Variants in MDGA2 observed in about 807,000 individuals in gnomAD.
The protein encoded by MDGA2 is MAM domain-containing glycosylphosphatidylinositol anchor protein 2.
In MDGA2, 40 loss-of-function variants were observed where a neutral mutation model predicts 117.8. The ratio of observed to expected loss-of-function variants is 0.34; its 90% CI spans 0.26 to 0.44. MDGA2 has a LOEUF of 0.44. MDGA2 is among the 20% of genes least tolerant of loss of function. The pLI, the probability that MDGA2 is intolerant of heterozygous loss-of-function variation, is 1.00. For missense variants in MDGA2, 1,123 were observed against 1,250.6 expected, an observed-to-expected ratio of 0.90 and a Z score of 1.54; for synonymous variants, 452 against 439.0, an observed-to-expected ratio of 1.03 and a Z score of -0.37.
At chr14:47,495,611 T>C (rs1199654750) in intron 1 of MDGA2, among the ~76,000 whole-genome samples, 1 of 152,198 alleles carries the variant, frequency 6.6e-6, no homozygotes, top group Non-Finnish European at 1.5e-5. Flanking sequence ...TATTTACTCC[T>C]CGTAGCCTCA....
intron 3 of MDGA2, among the ~76,000 whole-genome samples, chr14:47,172,103 C>T (rs958621943): frequency 3.9e-5 from 6 of 152,152 alleles, no homozygotes; most frequent in African/African-American, 1.2e-4. Flanking sequence ...GAGGGGCACC[C>T]ACCATAGCCC....
At chr14:47,449,444 G>C (rs1893194253) in intron 1 of MDGA2, among the ~76,000 whole-genome samples, 2 of 151,958 alleles carry the variant, frequency 1.3e-5, no homozygotes, top group African/African-American at 4.8e-5. Context: ...TCATAAGTAG[G>C]GACTGATGAG....
chr14:47,082,254 GA>G (rs1890733996), intron 6 of MDGA2, among the ~76,000 whole-genome samples: 1 of 150,578 alleles, frequency 6.6e-6, no homozygotes, highest in Non-Finnish European at 1.5e-5. Flanking sequence ...AAACCAATGA[GA>G]TTTTTTTAAG....
At chr14:47,107,327 A>G (rs1469758320) in intron 5 of MDGA2, among the ~76,000 whole-genome samples, 1 of 152,070 alleles carries the variant, frequency 6.6e-6, no homozygotes. Context: ...CAGGATCTGC[A>G]CCTTATCAAC....
At chr14:47,130,750 G>A (rs1022536718) in intron 5 of MDGA2, among the ~76,000 whole-genome samples, 1 of 152,044 alleles carries the variant, frequency 6.6e-6, no homozygotes, top group Non-Finnish European at 1.5e-5. Flanking sequence ...AGAGTAAGAT[G>A]ACTTGCTCAA....
chr14:47,465,236 A>G (rs1182752812), intron 1 of MDGA2, among the ~76,000 whole-genome samples: 1 of 152,216 alleles, frequency 6.6e-6, no homozygotes, highest in African/African-American at 2.4e-5. Flanking sequence ...ACCCTGGCAG[A>G]TAACCTAGGC....
intron 3 of MDGA2, among the ~76,000 whole-genome samples, chr14:47,172,975 C>T (rs1224236683): frequency 6.6e-6 from 1 of 152,108 alleles, no homozygotes; most frequent in Non-Finnish European, 1.5e-5. Context: ...GAGCTGAAAG[C>T]CAAGGCTCGA....
chr14:47,233,618 T>C (rs1005163354), intron 2 of MDGA2, among the ~76,000 whole-genome samples: 19 of 152,070 alleles, frequency 1.2e-4, no homozygotes, highest in Admixed American at 9.8e-4. Flanking sequence ...AGAATAAAAA[T>C]GAGGAATTAC....
chr14:47,493,493 T>G (rs1894216080), intron 1 of MDGA2, among the ~76,000 whole-genome samples: 1 of 151,746 alleles, frequency 6.6e-6, no homozygotes, highest in Non-Finnish European at 1.5e-5. Flanking sequence ...AGTTTTGTAT[T>G]TTTAGTAGAG....
intron 8 of MDGA2, among the ~76,000 whole-genome samples, chr14:46,975,195 A>C (rs1385650239): frequency 6.6e-6 from 1 of 152,138 alleles, no homozygotes; most frequent in Non-Finnish European, 1.5e-5. Context: ...AAAGAAAATA[A>C]CAAATGTTGG....
At chr14:47,188,158 A>T (rs988890344) in intron 3 of MDGA2, among the ~76,000 whole-genome samples, 1 of 152,138 alleles carries the variant, frequency 6.6e-6, no homozygotes, top group African/African-American at 2.4e-5. Context: ...ACAAAAACCC[A>T]ATGATTGCCT....
chr14:47,535,064 T>G (rs1164602019), intron 1 of MDGA2, among the ~76,000 whole-genome samples: 3 of 152,232 alleles, frequency 2.0e-5, no homozygotes. Context: ...TGTTTTTTAC[T>G]TCTGTTTCTT....
At chr14:47,332,878 A>C (rs1311548209) in intron 1 of MDGA2, among the ~76,000 whole-genome samples, 1 of 151,952 alleles carries the variant, frequency 6.6e-6, no homozygotes, top group Non-Finnish European at 1.5e-5. Flanking sequence ...CACATTATTT[A>C]GCTTCCACTA....
intron 1 of MDGA2, among the ~76,000 whole-genome samples, chr14:47,478,395 G>A (rs1200262368): frequency 1.3e-5 from 2 of 151,886 alleles, no homozygotes; most frequent in African/African-American, 4.8e-5. Flanking sequence ...TTATTATTTA[G>A]AGACAGGATC....
At chr14:46,952,579 TA>T (rs1185636725) in intron 9 of MDGA2, among the ~76,000 whole-genome samples, 2 of 152,006 alleles carry the variant, frequency 1.3e-5, no homozygotes, top group Non-Finnish European at 2.9e-5. Flanking sequence ...CAGTAATCAT[TA>T]ATTTGTGAAT....
chr14:47,631,805 C>T lies in MDGA2; in HGVS notation c.280+42712G>A, dbSNP rs562080277. On this transcript the variant is annotated intron_variant, in intron 1 of 16. Coordinates refer to ENST00000399232, the MANE Select transcript of MDGA2 (RefSeq NM_001113498.3). The stretch of plus-strand genomic sequence containing the variant: ...ACACATTGATGCAAGACAAGGGTTT[C>T]TCATAATATCTAATGCAAGCTTGTC... 2.0e-5 allele frequency among the ~76,000 whole-genome samples: 3 copies of T among 152,198 alleles called. No homozygotes were observed. In the East Asian group the frequency reaches 5.8e-4, roughly 29 times the overall value.
intron 1 of MDGA2, among the ~76,000 whole-genome samples, chr14:47,423,905 G>A (rs1185595870): frequency 4.6e-5 from 7 of 151,988 alleles, no homozygotes; most frequent in East Asian, 1.9e-4. Flanking sequence ...TCTGCCTCCC[G>A]GGTTCAGGCG....
chr14:47,186,770 C>T (rs550043195), intron 3 of MDGA2, among the ~76,000 whole-genome samples: 1 of 151,970 alleles, frequency 6.6e-6, no homozygotes, highest in South Asian at 2.1e-4. Context: ...TCAAATTACT[C>T]GACATTTGTA....
intron 1 of MDGA2, among the ~76,000 whole-genome samples, chr14:47,655,184 C>G (rs1191995973): frequency 6.6e-6 from 1 of 152,132 alleles, no homozygotes; most frequent in African/African-American, 2.4e-5. Flanking sequence ...GCCCCAGTTG[C>G]AAGTGCTTGG....
Sources: allele counts gnomAD v4.1 joint callset (sites outside exome capture counted in the v4.1 genomes callset), GRCh38; gene constraint gnomAD v4.1.1; transcripts MANE v1.5; gene names NCBI Gene and HGNC (gene_info 2026-07-23, HGNC 2026-07-21).